ZNF778: variants seen among roughly 807,000 people sequenced by gnomAD.
ZNF778 encodes the protein zinc finger protein 778.
A neutral mutation model predicts 23.9 loss-of-function variants in ZNF778; 37 were observed. The observed-to-expected ratio is 1.54, with a 90% CI of 1.19 to 2.03. The LOEUF is 2.03. ZNF778 is among the 30% of genes most tolerant of loss of function. The pLI, the probability that ZNF778 is intolerant of heterozygous loss-of-function variation, is 0.00. For missense variants in ZNF778, 1,297 were observed against 934.4 expected (o/e 1.39, Z -5.06); for synonymous variants, 483 against 343.9 (o/e 1.40, Z -4.48).
Position 89,233,879 on chromosome 16 carries a change from A to G in ZNF778, c.*5317A>G, listed in dbSNP as rs1330263222. On this transcript the variant is annotated 3_prime_UTR_variant, in exon 7 of 7. Coordinates refer to ENST00000433976, the MANE Select transcript of ZNF778 (RefSeq NM_001201407.2). The stretch of plus-strand genomic sequence containing the variant: ...TTTCTAACTACCACACCAAGCCAGT[A>G]TTTCTCCTCCCTGAAGTCAGCCCAG... The G allele has an allele frequency of 1.6e-6, 2 of 1,289,600 alleles. No homozygotes were observed. Among genetic ancestry groups the G allele is most frequent in the South Asian group, 1.2e-5 (1 of 81,044 alleles). 79.9% of individuals were successfully genotyped at this position (1,289,600 alleles called of 1,614,324 possible). A position where few individuals can be genotyped will look rare whatever the true frequency, so the allele number is the denominator to read the frequency against.
chr16:89,226,033 T>C, intron 6 of ZNF778, among the ~76,000 whole-genome samples: 1 of 151,904 alleles, frequency 6.6e-6, no homozygotes, highest in Non-Finnish European at 1.5e-5. Context: ...TGCCTCAGCC[T>C]CCCAAGTAGC....
At position 89,234,030 on chromosome 16, in the gene ZNF778, C is replaced by G. The variant is rs1005766665; in HGVS notation, c.*5468C>G. The G allele has an allele frequency of 9.9e-7, 1 of 1,008,462 alleles. No individual in the cohort carries two copies. Among genetic ancestry groups the G allele is most frequent in the Non-Finnish European group, 1.4e-6 (1 of 732,130 alleles). The allele number at this position is 1,008,462 out of a possible 1,614,324, so 62.5% of individuals were successfully genotyped here. A position where few individuals can be genotyped will look rare whatever the true frequency, so the allele number is the denominator to read the frequency against. On this transcript the variant is annotated 3_prime_UTR_variant, in exon 7 of 7. Coordinates refer to ENST00000433976, the MANE Select transcript of ZNF778 (RefSeq NM_001201407.2). ...CCTGTGAAAACCCTGTGGCCTCTGC[C>G]TCCCCTGGCTCTGACTTCTGCCTCC...
At position 89,230,690 on chromosome 16, in the gene ZNF778, C is replaced by G. The variant is rs2031875482; in HGVS notation, c.*2128C>G. On this transcript the variant is annotated 3_prime_UTR_variant, in exon 7 of 7. Transcript: ENST00000433976. ...TCATGTGAGTGACACGAATGTGTGT[C>G]CTCTGGCTGCAGCAATCCTGGGTTA... 6.6e-6 allele frequency: 1 copy of G among 152,250 alleles called. No individual in the cohort carries two copies. Among genetic ancestry groups the G allele is most frequent in the Non-Finnish European group, 1.5e-5 (1 of 68,080 alleles). 9.4% of individuals were successfully genotyped at this position (152,250 alleles called of 1,614,324 possible). A position where few individuals can be genotyped will look rare whatever the true frequency, so the allele number is the denominator to read the frequency against.
rs772951725 is a variant in ZNF778 at position 89,233,650 on chromosome 16, C to T, written c.*5088C>T. On this transcript the variant is annotated 3_prime_UTR_variant, in exon 7 of 7. Transcript: ENST00000433976. ...ACTGTATGCAACTCAGCTCGCTCTG[C>T]ATATGCAATTCAACTCGCACTGCGT... is the stretch of plus-strand genomic sequence containing the variant. The T allele has an allele frequency of 2.0e-5, 26 of 1,282,554 alleles. No homozygotes were observed. Among genetic ancestry groups the T allele is most frequent in the Middle Eastern group, 2.1e-4 (1 of 4,692 alleles). 79.4% of individuals were successfully genotyped at this position (1,282,554 alleles called of 1,614,324 possible).
At chr16:89,224,918 TC>T in intron 5 of ZNF778, 116 bp downstream of exon 5, 1 of 734,132 alleles carries the variant, frequency 1.4e-6, no homozygotes, top group Non-Finnish European at 2.3e-6. Context: ...TGTGGGAGGA[TC>T]CTGAGTGTCG....
chr16:89,233,070 C>T lies in ZNF778; in HGVS notation c.*4508C>T, dbSNP rs752378257. 8.2e-7 allele frequency: 1 copy of T among 1,226,652 alleles called. No homozygotes were observed. The highest frequency in any genetic ancestry group is 1.0e-6 in the Non-Finnish European group (1 of 953,956). The allele number at this position is 1,226,652 out of a possible 1,614,324, so 76.0% of individuals were successfully genotyped here. ...AGCTCGCTCTGCGTATGCAACTCAGCTCGCACTGCGTATGCAACTCAGCTC... is the reference window on the plus strand; with the variant it reads ...AGCTCGCTCTGCGTATGCAACTCAGTTCGCACTGCGTATGCAACTCAGCTC... On this transcript the variant is annotated 3_prime_UTR_variant, in exon 7 of 7. Coordinates refer to ENST00000433976, the MANE Select transcript of ZNF778 (RefSeq NM_001201407.2).
chr16:89,225,447 C>T, intron 5 of ZNF778, 108 bp from the exon 6 acceptor site: 1 of 882,506 alleles, frequency 1.1e-6, no homozygotes, highest in Non-Finnish European at 1.7e-6. Context: ...TACACATAGC[C>T]AAACTCCTTA....
intron 2 of ZNF778, 31 bp downstream of exon 2, chr16:89,221,183 C>A: frequency 1.3e-6 from 2 of 1,523,388 alleles, no homozygotes; most frequent in Non-Finnish European, 1.8e-6. Flanking sequence ...TTCTCAGAGC[C>A]TCTGCTCTAG....
chr16:89,224,628 T>G (rs892232462), intron 4 of ZNF778, 91 bp from the exon 5 acceptor site: 1 of 958,748 alleles, frequency 1.0e-6, no homozygotes, highest in Admixed American at 2.1e-5. Context: ...CAAAAAATAA[T>G]AAAAAAAAGG....
intron 4 of ZNF778, 88 bp downstream of exon 4, chr16:89,223,371 G>C (rs917184166): frequency 1.8e-5 from 28 of 1,556,826 alleles, no homozygotes; most frequent in Middle Eastern, 1.7e-4. Context: ...CGGCAAAGCC[G>C]AGTACCACGG....
chr16:89,229,397 C>G lies in ZNF778; in HGVS notation c.*835C>G, dbSNP rs1158397926. On this transcript the variant is annotated 3_prime_UTR_variant, in exon 7 of 7. Coordinates refer to ENST00000433976, the MANE Select transcript of ZNF778 (RefSeq NM_001201407.2). ...GCTCTGGTTGGTTAGTCTTGAGGAT[C>G]CAGATGTGATTCTGTGAGCAGTGTA... 8 of 981,978 alleles carry G rather than the reference C, an allele frequency of 8.1e-6. No individual in the cohort carries two copies. Among genetic ancestry groups the G allele is most frequent in the Middle Eastern group, 5.3e-4 (1 of 1,900 alleles). 60.8% of individuals were successfully genotyped at this position (981,978 alleles called of 1,614,324 possible).
chr16:89,229,062 T>G lies in ZNF778; in HGVS notation c.*500T>G. On this transcript the variant is annotated 3_prime_UTR_variant, in exon 7 of 7. Coordinates refer to ENST00000433976, the MANE Select transcript of ZNF778 (RefSeq NM_001201407.2). The stretch of plus-strand genomic sequence containing the variant: ...TTTCTGGGGGTTCTGTAGACGTATT[T>G]TGAATCTTTATGATGCTGCACTGAT... The G allele has an allele frequency of 3.0e-6, 3 of 991,718 alleles. No homozygotes were observed. The highest frequency in any genetic ancestry group is 3.6e-6 in the Non-Finnish European group (3 of 834,064). 61.4% of individuals were successfully genotyped at this position (991,718 alleles called of 1,614,324 possible).
At chr16:89,220,755 T>C (rs72819395) in intron 1 of ZNF778, among the ~76,000 whole-genome samples, 5,768 of 152,264 alleles carry the variant, frequency 0.038, 205 homozygotes, top group East Asian at 0.16. Context: ...GTTCATGTTA[T>C]CTGAATCCAG....
chr16:89,226,644 A>T (rs1311190719), intron 6 of ZNF778, 50 bp from the exon 7 acceptor site: 1 of 1,503,546 alleles, frequency 6.7e-7, no homozygotes, highest in Non-Finnish European at 9.0e-7. Flanking sequence ...GGTGAGATCT[A>T]TGAATCAGCC....
Position 89,233,947 on chromosome 16 carries a change from CT to C in ZNF778, c.*5386del. ...CAGGACATGCTGTATGCCCTTGGGC[CT>C]GCTGGAAGTATGCAGACTAGCCAGC... is the stretch of plus-strand genomic sequence containing the variant. On this transcript the variant is annotated 3_prime_UTR_variant, in exon 7 of 7. Coordinates refer to ENST00000433976, the MANE Select transcript of ZNF778 (RefSeq NM_001201407.2). 8.6e-6 allele frequency: 11 copies of C among 1,283,870 alleles called. No individual in the cohort carries two copies. The highest frequency in any genetic ancestry group is 1.1e-5 in the Non-Finnish European group (11 of 983,778). 79.5% of individuals were successfully genotyped at this position (1,283,870 alleles called of 1,614,324 possible).
chr16:89,225,876 C>T (rs909514152), intron 6 of ZNF778, among the ~76,000 whole-genome samples: 7 of 151,412 alleles, frequency 4.6e-5, no homozygotes, highest in Non-Finnish European at 7.4e-5. Flanking sequence ...CTGTTTTGTG[C>T]GCACAGACTT....
rs2032181025 is a variant in ZNF778 at position 89,234,462 on chromosome 16, C to T, written c.*5900C>T. On this transcript the variant is annotated 3_prime_UTR_variant, in exon 7 of 7. Coordinates refer to ENST00000433976, the MANE Select transcript of ZNF778 (RefSeq NM_001201407.2). ...TGGTTTTGCTTACGCTGGCTATTTT[C>T]CTTTTTGGATGAAGTACCTGGTCTT... 2 of 182,116 alleles carry T rather than the reference C, an allele frequency of 1.1e-5. No homozygotes were observed. The highest frequency in any genetic ancestry group is 2.2e-4 in the South Asian group (2 of 9,034). The allele number at this position is 182,116 out of a possible 1,614,324, so 11.3% of individuals were successfully genotyped here.
chr16:89,233,781 C>T lies in ZNF778; in HGVS notation c.*5219C>T, dbSNP rs1340276505. On this transcript the variant is annotated 3_prime_UTR_variant, in exon 7 of 7. Transcript: ENST00000433976. ...CACTGCGTATGCAACTCAACTCGCA[C>T]TGCGTATGCAACTCAGCTCGCACTG... 5 of 1,264,902 alleles carry T rather than the reference C, an allele frequency of 4.0e-6. No homozygotes were observed. In the South Asian group the frequency reaches 6.3e-5, roughly 16 times the overall value. The allele number at this position is 1,264,902 out of a possible 1,614,324, so 78.4% of individuals were successfully genotyped here. A position where few individuals can be genotyped will look rare whatever the true frequency, so the allele number is the denominator to read the frequency against.
intron 4 of ZNF778, among the ~76,000 whole-genome samples, chr16:89,224,275 A>G (rs1165551433): frequency 6.6e-6 from 1 of 151,718 alleles, no homozygotes. Flanking sequence ...TCATGCCTGT[A>G]ATCCCAGCAC....
Sources: allele counts gnomAD v4.1 joint callset (sites outside exome capture counted in the v4.1 genomes callset), GRCh38; gene constraint gnomAD v4.1.1; transcripts MANE v1.5; gene names NCBI Gene and HGNC (gene_info 2026-07-23, HGNC 2026-07-21).